The following SLC35D4 variants were observed in gnomAD, a reference collection of about 807,000 sequenced individuals.
SLC35D4 encodes UDP-N-acetylglucosamine transporter SLC35D4.
At chr18:23,244,632 G>A in the SLC35D4 span, among the ~76,000 whole-genome samples, 2 of 152,234 alleles carry the variant, frequency 1.3e-5, no homozygotes, top group African/African-American at 4.8e-5. Flanking sequence ...AGCTGAGCCC[G>A]AATGCCGGTA....
chr18:23,253,637 AAG>A, the SLC35D4 span: 13 of 1,076,986 alleles, frequency 1.2e-5, no homozygotes, highest in East Asian at 2.8e-4. Context: ...GGGAAAGAGA[AAG>A]AGAAAAAGCA....
chr18:23,303,856 C>T, the SLC35D4 span, among the ~76,000 whole-genome samples: 4 of 150,642 alleles, frequency 2.7e-5, no homozygotes, highest in African/African-American at 4.9e-5. Flanking sequence ...GAGCTGAGAT[C>T]GCGCCACTGC....
the SLC35D4 span, among the ~76,000 whole-genome samples, chr18:23,292,543 A>G: frequency 0.057 from 8,692 of 152,184 alleles, 808 homozygotes; most frequent in African/African-American, 0.2. Context: ...GTCACAAATC[A>G]CCTCAGAGAT....
chr18:23,372,738 C>A, the SLC35D4 span, among the ~76,000 whole-genome samples: 2 of 152,130 alleles, frequency 1.3e-5, no homozygotes, highest in South Asian at 2.1e-4. Flanking sequence ...AGAGCCCTGG[C>A]CCCCCTGTGT....
At chr18:23,434,294 C>T in the SLC35D4 span, among the ~76,000 whole-genome samples, 1 of 152,218 alleles carries the variant, frequency 6.6e-6, no homozygotes, top group African/African-American at 2.4e-5. Flanking sequence ...CTGTTCTTGA[C>T]CTACTCTTTC....
chr18:23,254,240 T>C, the SLC35D4 span, among the ~76,000 whole-genome samples: 1 of 152,170 alleles, frequency 6.6e-6, no homozygotes, highest in Non-Finnish European at 1.5e-5. Flanking sequence ...TGCAAGGGAT[T>C]CCCCCAGGCA....
the SLC35D4 span, among the ~76,000 whole-genome samples, chr18:23,388,164 G>C: frequency 0.013 from 2,012 of 152,284 alleles, 39 homozygotes; most frequent in African/African-American, 0.046. Context: ...ACTTCGACAA[G>C]GCTTAATTTT....
At chr18:23,260,769 G>T in the SLC35D4 span, among the ~76,000 whole-genome samples, 1 of 152,196 alleles carries the variant, frequency 6.6e-6, no homozygotes, top group Non-Finnish European at 1.5e-5. Context: ...GCACAGTTGG[G>T]TAAGCACAGT....
At chr18:23,306,917 C>A in the SLC35D4 span, among the ~76,000 whole-genome samples, 7 of 152,208 alleles carry the variant, frequency 4.6e-5, no homozygotes, top group Admixed American at 6.5e-5. Flanking sequence ...AGGATTGAGG[C>A]CAGGCTGCCC....
the SLC35D4 span, among the ~76,000 whole-genome samples, chr18:23,380,636 C>A: frequency 6.6e-6 from 1 of 152,184 alleles, no homozygotes; most frequent in African/African-American, 2.4e-5. Context: ...GGCCTAGCAA[C>A]ATGTTTGACA....
chr18:23,280,913 A>G, the SLC35D4 span, among the ~76,000 whole-genome samples: 1 of 150,984 alleles, frequency 6.6e-6, no homozygotes, highest in Non-Finnish European at 1.5e-5. Context: ...CCCACCCCCA[A>G]TTTTTCCATG....
the SLC35D4 span, chr18:23,371,397 A>G: frequency 6.5e-7 from 1 of 1,546,856 alleles, no homozygotes; most frequent in East Asian, 2.5e-5. Flanking sequence ...GCCCAGCCTT[A>G]CATAATAATT....
the SLC35D4 span, among the ~76,000 whole-genome samples, chr18:23,315,023 G>C: frequency 2.6e-5 from 4 of 152,178 alleles, no homozygotes; most frequent in East Asian, 1.9e-4. Flanking sequence ...TGGTGGTGGT[G>C]GTGGGGGGTG....
the SLC35D4 span, among the ~76,000 whole-genome samples, chr18:23,261,559 G>C: frequency 1.3e-5 from 2 of 152,092 alleles, no homozygotes; most frequent in African/African-American, 2.4e-5. Context: ...GGAGGTCAAG[G>C]CTGCAGTGAT....
At chr18:23,325,196 T>C in the SLC35D4 span, among the ~76,000 whole-genome samples, 1 of 152,154 alleles carries the variant, frequency 6.6e-6, no homozygotes, top group Non-Finnish European at 1.5e-5. Context: ...AAAGGAACCA[T>C]CTAGAAAGTA....
At chr18:23,321,699 T>A in the SLC35D4 span, among the ~76,000 whole-genome samples, 21 of 152,284 alleles carry the variant, frequency 1.4e-4, no homozygotes, top group African/African-American at 5.1e-4. Flanking sequence ...AAACAACCCA[T>A]CAGCCATGGC....
the SLC35D4 span, among the ~76,000 whole-genome samples, chr18:23,260,845 T>C: frequency 1.3e-5 from 2 of 151,856 alleles, no homozygotes; most frequent in African/African-American, 4.8e-5. Flanking sequence ...CCAACACCAA[T>C]GTCAATAAAA....
chr18:23,260,563 A>G, the SLC35D4 span: 2 of 152,310 alleles, frequency 1.3e-5, no homozygotes, highest in African/African-American at 2.4e-5. Context: ...GCCTCCCGTG[A>G]CTCCTGAGAG....
At chr18:23,427,590 C>T in the SLC35D4 span, among the ~76,000 whole-genome samples, 3 of 152,294 alleles carry the variant, frequency 2.0e-5, no homozygotes, top group Non-Finnish European at 4.4e-5. Context: ...ACTAGTTCAA[C>T]CATTGTGGAA....
Sources: gnomAD v4.1 joint callset for allele counts (sites outside exome capture counted in the v4.1 genomes callset) on GRCh38, gnomAD v4.1.1 for gene constraint, MANE v1.5 for transcripts, NCBI Gene and HGNC (gene_info 2026-07-23, HGNC 2026-07-21) for gene names.